Variants in ADCY8 observed in about 807,000 individuals in gnomAD.
ADCY8 encodes the protein adenylate cyclase type 8.
In ADCY8, 51 loss-of-function variants were observed where a neutral mutation model predicts 119.7. That is an observed-to-expected ratio of 0.43 (90% CI 0.34 to 0.54). The LOEUF is 0.54. ADCY8 is among the 20% of genes least tolerant of loss of function. The pLI, the probability that ADCY8 is intolerant of heterozygous loss-of-function variation, is 0.03. For synonymous variants in ADCY8, 665 were observed against 651.0 expected, an observed-to-expected ratio of 1.02 and a Z score of -0.33; for missense variants, 1,383 against 1,598.8, an observed-to-expected ratio of 0.87 and a Z score of 2.30.
intron 13 of ADCY8, among the ~76,000 whole-genome samples, chr8:130,820,587 C>T (rs921111331): frequency 2.6e-5 from 4 of 152,166 alleles, no homozygotes; most frequent in African/African-American, 7.2e-5. Context: ...AATTTTCTTT[C>T]TCGAAGTCCC....
intron 7 of ADCY8, among the ~76,000 whole-genome samples, chr8:130,890,817 G>A (rs1451720568): frequency 2.0e-5 from 3 of 152,198 alleles, no homozygotes; most frequent in African/African-American, 7.2e-5. Flanking sequence ...GTTGTGGAAG[G>A]AGGTTAAGGT....
intron 7 of ADCY8, among the ~76,000 whole-genome samples, chr8:130,901,059 C>T (rs1325038391): frequency 1.3e-5 from 2 of 152,124 alleles, no homozygotes; most frequent in African/African-American, 4.8e-5. Flanking sequence ...CCCTCACTAC[C>T]CATATCTATC....
chr8:130,813,238 C>T (rs1897982), intron 14 of ADCY8, among the ~76,000 whole-genome samples: 75,454 of 152,074 alleles, frequency 0.5, 20,032 homozygotes, highest in South Asian at 0.65. Context: ...TGAGCCACTG[C>T]GCCCGGCCAT....
chr8:130,944,278 G>A (rs1222791397), intron 3 of ADCY8, among the ~76,000 whole-genome samples: 4 of 152,104 alleles, frequency 2.6e-5, no homozygotes, highest in Non-Finnish European at 4.4e-5. Context: ...TTGCACTGAG[G>A]GATATTGCTC....
chr8:130,825,139 A>C (rs747787491), intron 12 of ADCY8, among the ~76,000 whole-genome samples: 11 of 152,238 alleles, frequency 7.2e-5, no homozygotes, highest in Non-Finnish European at 1.5e-4. Context: ...TGTAATGATC[A>C]AAGCAGGTTA....
intron 7 of ADCY8, 58 bp from the exon 8 acceptor site, chr8:130,884,819 G>C: frequency 1.3e-6 from 2 of 1,510,630 alleles, no homozygotes; most frequent in Non-Finnish European, 9.2e-7. Flanking sequence ...AGATAAAACA[G>C]AAATGCAATG....
At chr8:130,899,906 C>G (rs1224368375) in intron 7 of ADCY8, among the ~76,000 whole-genome samples, 1 of 152,166 alleles carries the variant, frequency 6.6e-6, no homozygotes, top group Non-Finnish European at 1.5e-5. Context: ...CCTGGATATT[C>G]TCCCCCATAT....
Position 130,803,475 on chromosome 8 carries a change from T to G in ADCY8, c.2914-2903A>C, listed in dbSNP as rs191840389. Among the ~76,000 whole-genome samples the G allele has an allele frequency of 1.2e-4, 19 of 152,334 alleles. No individual in the cohort carries two copies. The East Asian group carries it at 3.3e-3, about 26-fold the overall frequency. On this transcript the variant is annotated intron_variant, in intron 14 of 17. Coordinates refer to ENST00000286355, the MANE Select transcript of ADCY8 (RefSeq NM_001115.3). ...CAATTATGTATCATGCGATTAGTAG[T>G]TTTTAGATGCCCCTATATAATGCAC...
At position 130,780,414 on chromosome 8, in the gene ADCY8, G is replaced by A; in HGVS notation, c.3732C>T (p.Gly1244=). The A allele has an allele frequency of 6.4e-7, 1 of 1,557,948 alleles. No individual in the cohort carries two copies. The highest frequency in any genetic ancestry group is 1.3e-5 in the South Asian group (1 of 79,264). Residue 1244 remains glycine, a synonymous_variant, in exon 18 of 18, where the codon GGC becomes GGT. Transcript: ENST00000286355. ...TTTATGGCAAATCAGATTTGTCGGT[G>A]CCTTCAGCCTGGGCTCCAGGCTCTG... is the stretch of plus-strand genomic sequence containing the variant. ...SGTEPGAQAE[G]TDKSDLP
intron 7 of ADCY8, among the ~76,000 whole-genome samples, chr8:130,888,371 T>C (rs1819067430): frequency 6.6e-6 from 1 of 152,080 alleles, no homozygotes. Flanking sequence ...TTATAAATGA[T>C]GTTATAAATA....
At chr8:130,786,197 C>A (rs986773786) in intron 15 of ADCY8, among the ~76,000 whole-genome samples, 2 of 152,170 alleles carry the variant, frequency 1.3e-5, no homozygotes, top group Non-Finnish European at 2.9e-5. Flanking sequence ...ATGTAATATT[C>A]CTGGAGCATA....
rs753633094 is a variant in ADCY8 at position 131,040,366 on chromosome 8, C to T, written c.-33G>A. On this transcript the variant is annotated 5_prime_UTR_variant, in exon 1 of 18. Transcript: ENST00000286355. ...GGCCGCAGGGAAGGAGGCCCAGAAC[C>T]TTGGGGAGGCAGCCGGAGGAGGGGT... 3.1e-5 allele frequency: 45 copies of T among 1,457,754 alleles called. No individual in the cohort carries two copies. Among genetic ancestry groups the T allele is most frequent in the Non-Finnish European group, 4.0e-5 (45 of 1,112,156 alleles). 90.3% of individuals were successfully genotyped at this position (1,457,754 alleles called of 1,614,324 possible). A position where few individuals can be genotyped will look rare whatever the true frequency, so the allele number is the denominator to read the frequency against.
chr8:130,809,412 CTT>C (rs1218952150), intron 14 of ADCY8, among the ~76,000 whole-genome samples: 1 of 152,216 alleles, frequency 6.6e-6, no homozygotes, highest in Non-Finnish European at 1.5e-5. Context: ...AGACTTGTCT[CTT>C]TGTACTTATG....
chr8:130,854,804 TCCC>T (rs1322918639), intron 9 of ADCY8, among the ~76,000 whole-genome samples: 1 of 98,154 alleles, frequency 1.0e-5, no homozygotes, highest in Non-Finnish European at 1.9e-5. Context: ...TTTCCCTCCG[TCCC>T]TCCCTCCCTC....
intron 9 of ADCY8, among the ~76,000 whole-genome samples, chr8:130,854,778 A>G (rs1449276133): frequency 6.7e-6 from 1 of 150,246 alleles, no homozygotes; most frequent in Non-Finnish European, 1.5e-5. Flanking sequence ...AAATAATAAG[A>G]CCCAGTGCCT....
At chr8:130,872,237 A>G (rs1301969142) in intron 8 of ADCY8, among the ~76,000 whole-genome samples, 3 of 152,222 alleles carry the variant, frequency 2.0e-5, no homozygotes, top group Non-Finnish European at 4.4e-5. Flanking sequence ...TGGTGCTGTG[A>G]TACACGCTTT....
At chr8:130,981,070 C>T (rs1263335605) in intron 2 of ADCY8, among the ~76,000 whole-genome samples, 1 of 152,130 alleles carries the variant, frequency 6.6e-6, no homozygotes, top group Non-Finnish European at 1.5e-5. Context: ...GCTTTCGTTT[C>T]TATGAAAAAT....
At chr8:130,886,175 A>AG (rs1563712871) in intron 7 of ADCY8, among the ~76,000 whole-genome samples, 18 of 152,052 alleles carry the variant, frequency 1.2e-4, no homozygotes, top group African/African-American at 4.3e-4. Flanking sequence ...TTCTATAGCA[A>AG]GGCTCATCAC....
chr8:130,970,590 C>A (rs1821894692), intron 2 of ADCY8, among the ~76,000 whole-genome samples: 1 of 152,178 alleles, frequency 6.6e-6, no homozygotes, highest in Admixed American at 6.5e-5. Flanking sequence ...CCCAAACCAT[C>A]CCCCTCCACC....
Sources: allele counts gnomAD v4.1 joint callset (sites outside exome capture counted in the v4.1 genomes callset), GRCh38; gene constraint gnomAD v4.1.1; transcripts MANE v1.5; gene names NCBI Gene and HGNC (gene_info 2026-07-23, HGNC 2026-07-21).